METTL8: variants seen among roughly 807,000 people sequenced by gnomAD.
METTL8 encodes tRNA N(3)-cytidine methyltransferase METTL8, mitochondrial.
Under a neutral mutation model 48.7 loss-of-function variants are expected in METTL8, and 32 were observed. The observed-to-expected ratio is 0.66, with a 90% CI of 0.50 to 0.88. The LOEUF is 0.88. Among genes scored for constraint, METTL8 ranks in the 40% least tolerant of loss-of-function variants. METTL8 has a pLI of 0.00. For synonymous variants in METTL8, 136 were observed against 157.1 expected (o/e 0.87, Z 1.01); for missense variants, 464 against 474.4 (o/e 0.98, Z 0.20).
chr2:171,374,241 GCTCT>G (rs1686703492), intron 2 of METTL8, among the ~76,000 whole-genome samples: 1 of 152,042 alleles, frequency 6.6e-6, no homozygotes, highest in African/African-American at 2.4e-5. Context: ...TCATGATTTG[GCTCT>G]CTGTTTGTCT....
At position 171,407,073 on chromosome 2, in the gene METTL8, T is replaced by C. The variant is rs369438648; in HGVS notation, c.-12-14876A>G. The stretch of plus-strand genomic sequence containing the variant: ...GGAAAGCAATGGTGATTTAAGATGG[T>C]GGAAGTGAAGGAAAATATAACTAGT... On this transcript the variant is annotated intron_variant, in intron 1 of 9. Coordinates refer to ENST00000375258, the MANE Select transcript of METTL8 (RefSeq NM_001321154.2). 6.6e-5 allele frequency among the ~76,000 whole-genome samples: 10 copies of C among 152,000 alleles called. No individual in the cohort carries two copies. The East Asian group carries it at 1.4e-3, about 21-fold the overall frequency.
At chr2:171,385,668 AT>A (rs1263463403) in intron 2 of METTL8, among the ~76,000 whole-genome samples, 1 of 152,188 alleles carries the variant, frequency 6.6e-6, no homozygotes, top group East Asian at 1.9e-4. Flanking sequence ...TGCTATGAAG[AT>A]GGATGGCTGT....
chr2:171,359,679 C>G lies in METTL8; in HGVS notation c.235+743G>C, dbSNP rs567496111. Among the ~76,000 whole-genome samples the G allele has an allele frequency of 8.0e-5, 12 of 150,156 alleles. No individual in the cohort carries two copies. In the South Asian group the frequency reaches 2.5e-3, roughly 32 times the overall value. ...CCAGGCTGGAGTACAGTGGTGTGAT[C>G]TCGGCTCACTGCAACCTCTGCCTCC... On this transcript the variant is annotated intron_variant, in intron 3 of 9. Coordinates refer to ENST00000375258, the MANE Select transcript of METTL8 (RefSeq NM_001321154.2).
intron 5 of METTL8, 78 bp downstream of exon 5, chr2:171,337,375 G>T: frequency 1.9e-6 from 2 of 1,076,748 alleles, no homozygotes; most frequent in South Asian, 1.5e-5. Context: ...TGGCATACAC[G>T]TGACAATATT....
chr2:171,378,163 C>T (rs955901288), intron 2 of METTL8, among the ~76,000 whole-genome samples: 5 of 152,172 alleles, frequency 3.3e-5, no homozygotes, highest in Non-Finnish European at 7.3e-5. Flanking sequence ...AGAGTCAAGA[C>T]CCATTGGTGT....
At chr2:171,418,072 T>C (rs1691495778) in intron 1 of METTL8, among the ~76,000 whole-genome samples, 1 of 152,048 alleles carries the variant, frequency 6.6e-6, no homozygotes, top group African/African-American at 2.4e-5. Context: ...GCCTCCCGAG[T>C]AGCTGGGACT....
chr2:171,379,428 T>C (rs928153038), intron 2 of METTL8, among the ~76,000 whole-genome samples: 8 of 149,696 alleles, frequency 5.3e-5, no homozygotes, highest in Non-Finnish European at 8.9e-5. Context: ...CTGAAGGAGA[T>C]AGAGACACAA....
chr2:171,375,427 C>T (rs1686863575), intron 2 of METTL8: 1 of 603,538 alleles, frequency 1.7e-6, no homozygotes, highest in Admixed American at 2.9e-5. Context: ...ATATTCCCAC[C>T]AGCAGTGTAT....
intron 1 of METTL8, among the ~76,000 whole-genome samples, chr2:171,429,026 C>A (rs1401592462): frequency 6.6e-6 from 1 of 151,930 alleles, no homozygotes; most frequent in Non-Finnish European, 1.5e-5. Context: ...CTATAAGGTA[C>A]CTTATGTGAA....
chr2:171,416,976 A>G (rs1041865160), intron 1 of METTL8, among the ~76,000 whole-genome samples: 1 of 152,248 alleles, frequency 6.6e-6, no homozygotes, highest in Non-Finnish European at 1.5e-5. Context: ...TTCAAATGTC[A>G]TCTAAATTTT....
chr2:171,423,059 T>A (rs1414927654), intron 1 of METTL8, among the ~76,000 whole-genome samples: 1 of 152,176 alleles, frequency 6.6e-6, no homozygotes, highest in Non-Finnish European at 1.5e-5. Flanking sequence ...GATAGTGAGT[T>A]CTCATGAGAT....
At chr2:171,360,677 C>T (rs1272476758) in intron 2 of METTL8, among the ~76,000 whole-genome samples, 164 bp from the exon 3 acceptor site, 2 of 152,126 alleles carry the variant, frequency 1.3e-5, no homozygotes, top group African/African-American at 2.4e-5. Flanking sequence ...CTACTGATGG[C>T]GCTGGTACAA....
In METTL8 at chr2:171,320,381, T is replaced by C. The variant is rs1308142131; in HGVS notation, c.*3791A>G. The C allele has an allele frequency of 2.0e-5, 3 of 152,150 alleles. No homozygotes were observed. The highest frequency in any genetic ancestry group is 2.9e-5 in the Non-Finnish European group (2 of 68,050). The allele number at this position is 152,150 out of a possible 1,614,324, so 9.4% of individuals were successfully genotyped here. ...AGCTTCTAAAGGTTAACTCACATGC[T>C]GTAATACATTATAGAAAGACACGAA... On this transcript the variant is annotated 3_prime_UTR_variant, in exon 10 of 10. Transcript: ENST00000375258.
chr2:171,398,864 A>G (rs1292769575), intron 1 of METTL8, among the ~76,000 whole-genome samples: 1 of 152,186 alleles, frequency 6.6e-6, no homozygotes, highest in Non-Finnish European at 1.5e-5. Flanking sequence ...GTAAAAAATA[A>G]ATAGATAAAG....
At chr2:171,392,260 C>A (rs1162489071) in intron 1 of METTL8, 63 bp from the exon 2 acceptor site, 46 of 1,356,270 alleles carry the variant, frequency 3.4e-5, no homozygotes, top group Non-Finnish European at 3.8e-5. Context: ...TTATCTAATA[C>A]CCAAAACCTG....
intron 1 of METTL8, among the ~76,000 whole-genome samples, chr2:171,428,200 CTATT>C (rs1472793510): frequency 1.3e-5 from 2 of 152,178 alleles, no homozygotes; most frequent in Non-Finnish European, 2.9e-5. Context: ...AAAACTGTAT[CTATT>C]TATGCCATTT....
intron 1 of METTL8, 37 bp from the exon 2 acceptor site, chr2:171,392,234 T>G (rs1280387836): frequency 6.6e-7 from 1 of 1,518,520 alleles, no homozygotes; most frequent in Admixed American, 2.0e-5. Flanking sequence ...TCAACATAGA[T>G]TAAACAGTGT....
intron 2 of METTL8, among the ~76,000 whole-genome samples, chr2:171,391,666 T>C (rs1333825119): frequency 1.3e-5 from 2 of 152,210 alleles, no homozygotes; most frequent in Non-Finnish European, 2.9e-5. Context: ...ACACAGGTAC[T>C]GATCTGCATT....
intron 2 of METTL8, among the ~76,000 whole-genome samples, chr2:171,376,864 C>T (rs996649614): frequency 4.6e-5 from 7 of 151,952 alleles, no homozygotes; most frequent in Non-Finnish European, 8.8e-5. Flanking sequence ...TTATATAGAA[C>T]CAAAAAAGAG....
Sources: allele counts gnomAD v4.1 joint callset (sites outside exome capture counted in the v4.1 genomes callset), GRCh38; gene constraint gnomAD v4.1.1; transcripts MANE v1.5; gene names NCBI Gene and HGNC (gene_info 2026-07-23, HGNC 2026-07-21).